NUP210L: variants seen among roughly 807,000 people sequenced by gnomAD.
NUP210L encodes nuclear pore membrane glycoprotein 210-like.
NUP210L carries 74 observed loss-of-function variants against 208.5 expected under a neutral mutation model. The ratio of observed to expected loss-of-function variants is 0.35; its 90% CI spans 0.29 to 0.43. The LOEUF (loss-of-function observed/expected upper bound fraction) is 0.43. NUP210L is among the 20% of genes least tolerant of loss of function. The pLI is 1.00. For synonymous variants in NUP210L, 780 were observed against 816.9 expected (o/e 0.95, Z 0.77); for missense variants, 1,843 against 2,289.4 (o/e 0.81, Z 3.98).
At chr1:153,998,416 G>A (rs1650021834) in intron 37 of NUP210L, among the ~76,000 whole-genome samples, 2 of 151,898 alleles carry the variant, frequency 1.3e-5, no homozygotes, top group African/African-American at 4.8e-5. Flanking sequence ...TTAGCCAGGC[G>A]TGGTGGCGGG....
intron 21 of NUP210L, 106 bp from the exon 22 acceptor site, chr1:154,058,322 C>G (rs1474541273): frequency 8.1e-6 from 10 of 1,239,520 alleles, no homozygotes; most frequent in African/African-American, 1.5e-5. Flanking sequence ...GCTAAATGAT[C>G]CTGGTCAGCC....
chr1:154,090,053 G>C (rs1655823463), intron 15 of NUP210L, among the ~76,000 whole-genome samples: 3 of 151,842 alleles, frequency 2.0e-5, no homozygotes, highest in Non-Finnish European at 1.5e-5. Context: ...CTTCAGCCTG[G>C]GCAACAGAAT....
At chr1:154,013,266 A>ATGAC (rs1258057413) in intron 33 of NUP210L, among the ~76,000 whole-genome samples, 1 of 151,970 alleles carries the variant, frequency 6.6e-6, no homozygotes, top group Non-Finnish European at 1.5e-5. Context: ...TTCCCTTTGT[A>ATGAC]TGACTCCCTA....
At chr1:154,154,654 G>A (rs1321395762) in intron 1 of NUP210L, among the ~76,000 whole-genome samples, 188 bp downstream of exon 1, 2 of 152,106 alleles carry the variant, frequency 1.3e-5, no homozygotes, top group Non-Finnish European at 2.9e-5. Flanking sequence ...TACCACATGA[G>A]TAGGACACGC....
intron 27 of NUP210L, among the ~76,000 whole-genome samples, chr1:154,042,640 G>C (rs1196137112): frequency 6.6e-6 from 1 of 150,792 alleles, no homozygotes; most frequent in Non-Finnish European, 1.5e-5. Flanking sequence ...ATGTTAGCCA[G>C]GATGGTCTTG....
chr1:154,069,076 C>G (rs1207034702), intron 17 of NUP210L, among the ~76,000 whole-genome samples: 1 of 152,000 alleles, frequency 6.6e-6, no homozygotes, highest in African/African-American at 2.4e-5. Context: ...AATGTTAGAC[C>G]TAAAACCATA....
intron 2 of NUP210L, among the ~76,000 whole-genome samples, chr1:154,147,334 T>C (rs1446746913): frequency 2.0e-5 from 3 of 151,972 alleles, no homozygotes; most frequent in Non-Finnish European, 4.4e-5. Context: ...AGAAACTTTC[T>C]ATATACAACA....
chr1:154,057,733 TG>T (rs1288593951), intron 22 of NUP210L, among the ~76,000 whole-genome samples: 1 of 150,766 alleles, frequency 6.6e-6, no homozygotes, highest in African/African-American at 2.5e-5. Context: ...TGTGTGTGTG[TG>T]TGTATTTTAA....
At chr1:154,095,535 T>C (rs1014388341) in intron 14 of NUP210L, among the ~76,000 whole-genome samples, 2 of 152,218 alleles carry the variant, frequency 1.3e-5, no homozygotes, top group African/African-American at 4.8e-5. Flanking sequence ...TCTCTACTTA[T>C]ATAAACTCCT....
exon 17 of NUP210L, chr1:154,070,409 A>G: frequency 3.1e-6 from 5 of 1,613,142 alleles, no homozygotes; most frequent in Non-Finnish European, 4.2e-6. Context: ...ACTTTCTCCT[A>G]TGTTGATCAA....
intron 2 of NUP210L, among the ~76,000 whole-genome samples, chr1:154,150,498 C>T (rs12568280): frequency 0.46 from 69,822 of 151,834 alleles, 16,467 homozygotes; most frequent in Admixed American, 0.58. Context: ...GGGGCCAAGG[C>T]GGGTGGATCA....
intron 2 of NUP210L, among the ~76,000 whole-genome samples, chr1:154,151,788 TA>T (rs896682288): frequency 1.3e-5 from 2 of 151,874 alleles, no homozygotes; most frequent in Non-Finnish European, 2.9e-5. Flanking sequence ...ACCCTGTCTC[TA>T]AAAAAAGAGA....
intron 35 of NUP210L, among the ~76,000 whole-genome samples, chr1:154,008,003 C>A (rs1285238657): frequency 3.3e-5 from 5 of 152,004 alleles, no homozygotes; most frequent in Non-Finnish European, 7.4e-5. Context: ...TCCCGAGTAG[C>A]TGGGGCTACA....
intron 9 of NUP210L, among the ~76,000 whole-genome samples, chr1:154,127,079 C>G (rs1658017359): frequency 6.9e-6 from 1 of 144,874 alleles, no homozygotes; most frequent in Non-Finnish European, 1.5e-5. Context: ...GTACTCCAGT[C>G]TGGGTGACAG....
chr1:153,998,806 A>G (rs906256519), intron 37 of NUP210L, among the ~76,000 whole-genome samples: 3 of 148,876 alleles, frequency 2.0e-5, no homozygotes, highest in Non-Finnish European at 4.4e-5. Flanking sequence ...TGCAACTTCA[A>G]CCTCCTGGGC....
In NUP210L at chr1:154,145,938, T is replaced by C. The variant is rs114606374; in HGVS notation, c.341-2361A>G. ...TTTCTAAATATAATTCTTGTTGTTG[T>C]TGAGATGGAGTCTTGCTACGTTACC... is the stretch of plus-strand genomic sequence containing the variant. On this transcript the variant is annotated intron_variant, in intron 2 of 39. Coordinates refer to ENST00000368559, the Ensembl canonical transcript of NUP210L. Among the ~76,000 whole-genome samples the C allele has an allele frequency of 1.0e-2, 1,515 of 152,242 alleles. 30 individuals are homozygous for C. The highest frequency in any genetic ancestry group is 0.035 in the African/African-American group (1,434 of 41,544).
chr1:154,025,601 A>G (rs1298263684), exon 30 of NUP210L: 11 of 1,613,788 alleles, frequency 6.8e-6, no homozygotes, highest in East Asian at 2.2e-5. Flanking sequence ...GTGACTTCCA[A>G]TACAGCAGTA....
chr1:154,057,763 T>A (rs7547663), intron 22 of NUP210L, among the ~76,000 whole-genome samples: 37,754 of 149,348 alleles, frequency 0.25, 5,289 homozygotes, highest in Admixed American at 0.36. Flanking sequence ...GGCCGTGCTA[T>A]GTTGCCCAGG....
At chr1:154,110,029 T>C (rs1656964637) in intron 12 of NUP210L, among the ~76,000 whole-genome samples, 1 of 149,086 alleles carries the variant, frequency 6.7e-6, no homozygotes, top group Non-Finnish European at 1.5e-5. Context: ...AGGTCAGGAG[T>C]TTCAGACCAG....
Sources: allele counts gnomAD v4.1 joint callset (sites outside exome capture counted in the v4.1 genomes callset), GRCh38; gene constraint gnomAD v4.1.1; transcripts MANE v1.5; gene names NCBI Gene and HGNC (gene_info 2026-07-23, HGNC 2026-07-21).